AKAP19: variants seen among roughly 807,000 people sequenced by gnomAD.
AKAP19 encodes the protein A-kinase anchoring protein 19, also known as small A-kinase anchoring protein.
At chr2:190,007,688 C>T in the AKAP19 span, among the ~76,000 whole-genome samples, 17 of 152,250 alleles carry the variant, frequency 1.1e-4, no homozygotes, top group Non-Finnish European at 1.5e-4. Context: ...TGGCCAGGCG[C>T]GGTGGCTTAC....
the AKAP19 span, among the ~76,000 whole-genome samples, chr2:190,103,147 C>T: frequency 6.6e-6 from 1 of 152,062 alleles, no homozygotes; most frequent in Non-Finnish European, 1.5e-5. Flanking sequence ...ACATCCTTTA[C>T]TGAAAAAAAC....
At chr2:189,999,244 G>A in the AKAP19 span, among the ~76,000 whole-genome samples, 1 of 151,890 alleles carries the variant, frequency 6.6e-6, no homozygotes, top group East Asian at 1.9e-4. Context: ...TGTAAGCACT[G>A]CTTTAGCTGC....
chr2:190,030,211 T>C, the AKAP19 span, among the ~76,000 whole-genome samples: 2 of 152,244 alleles, frequency 1.3e-5, no homozygotes, highest in African/African-American at 2.4e-5. Context: ...TCCTGGTTTT[T>C]ATAGCTCTTC....
the AKAP19 span, among the ~76,000 whole-genome samples, chr2:189,909,050 A>G: frequency 6.6e-6 from 1 of 152,100 alleles, no homozygotes; most frequent in Non-Finnish European, 1.5e-5. Flanking sequence ...TGTTGGGTGC[A>G]TGTATATTTA....
the AKAP19 span, among the ~76,000 whole-genome samples, chr2:190,125,026 G>C: frequency 4.6e-5 from 7 of 152,022 alleles, 1 homozygote; most frequent in African/African-American, 1.7e-4. Context: ...AACACACATG[G>C]AGCTGTCATC....
chr2:189,912,175 G>A, the AKAP19 span, among the ~76,000 whole-genome samples: 1 of 151,560 alleles, frequency 6.6e-6, no homozygotes, highest in African/African-American at 2.4e-5. Context: ...GTTTTTCATA[G>A]AACCAATTCA....
chr2:190,034,856 C>CAAAAAAAAAA, the AKAP19 span, among the ~76,000 whole-genome samples: 7 of 68,634 alleles, frequency 1.0e-4, no homozygotes, highest in African/African-American at 3.8e-4. Flanking sequence ...CCTGTCTCAC[C>CAAAAAAAAAA]AAAAAAAAAA....
the AKAP19 span, among the ~76,000 whole-genome samples, chr2:190,080,543 A>G: frequency 6.6e-6 from 1 of 152,220 alleles, no homozygotes; most frequent in Non-Finnish European, 1.5e-5. Context: ...GTGCCTAGTA[A>G]AGGGTCAGGC....
chr2:189,949,375 A>G, the AKAP19 span, among the ~76,000 whole-genome samples: 1 of 152,176 alleles, frequency 6.6e-6, no homozygotes. Flanking sequence ...AAGATGGTGA[A>G]ACCTCATCTC....
At chr2:190,048,061 C>G in the AKAP19 span, among the ~76,000 whole-genome samples, 1 of 152,154 alleles carries the variant, frequency 6.6e-6, no homozygotes, top group South Asian at 2.1e-4. Flanking sequence ...TATTTCTGAC[C>G]AGACAGAAAC....
At chr2:190,004,832 T>C in the AKAP19 span, among the ~76,000 whole-genome samples, 16 of 152,290 alleles carry the variant, frequency 1.1e-4, no homozygotes, top group Non-Finnish European at 2.1e-4. Flanking sequence ...GGATGTTCAG[T>C]AGGTTCAAGG....
the AKAP19 span, among the ~76,000 whole-genome samples, chr2:190,139,788 T>G: frequency 6.6e-6 from 1 of 151,916 alleles, no homozygotes; most frequent in African/African-American, 2.4e-5. Context: ...ATATCATTCC[T>G]CCCCCGGCCC....
At chr2:190,163,519 A>G in the AKAP19 span, among the ~76,000 whole-genome samples, 1 of 151,900 alleles carries the variant, frequency 6.6e-6, no homozygotes, top group Non-Finnish European at 1.5e-5. Context: ...CCTGAAATTC[A>G]TAGTACTTCC....
the AKAP19 span, among the ~76,000 whole-genome samples, chr2:190,086,144 T>C: frequency 6.6e-6 from 1 of 152,216 alleles, no homozygotes; most frequent in Admixed American, 6.5e-5. Flanking sequence ...TATAAGCACA[T>C]TGCGGATGTT....
chr2:189,981,294 T>TG, the AKAP19 span, among the ~76,000 whole-genome samples: 1 of 148,438 alleles, frequency 6.7e-6, no homozygotes, highest in Non-Finnish European at 1.5e-5. Context: ...TTTTTTTTGC[T>TG]GTTGTTGGTT....
the AKAP19 span, among the ~76,000 whole-genome samples, chr2:190,031,894 C>G: frequency 6.6e-6 from 1 of 152,128 alleles, no homozygotes; most frequent in African/African-American, 2.4e-5. Flanking sequence ...GAATGAAGTT[C>G]ATGTGATAGT....
chr2:189,954,881 C>T, the AKAP19 span, among the ~76,000 whole-genome samples: 1 of 152,138 alleles, frequency 6.6e-6, no homozygotes, highest in South Asian at 2.1e-4. Flanking sequence ...TATTTACATG[C>T]CCAATATCTT....
the AKAP19 span, among the ~76,000 whole-genome samples, chr2:190,107,056 G>A: frequency 1.3e-5 from 2 of 152,300 alleles, no homozygotes; most frequent in African/African-American, 4.8e-5. Flanking sequence ...GGTGTACTGA[G>A]GAGAAGGGCC....
At chr2:190,041,778 T>C in the AKAP19 span, among the ~76,000 whole-genome samples, 1 of 152,218 alleles carries the variant, frequency 6.6e-6, no homozygotes, top group Non-Finnish European at 1.5e-5. Flanking sequence ...ATTAATCATG[T>C]GGTTTTTGTC....
Sources: allele counts gnomAD v4.1 joint callset (sites outside exome capture counted in the v4.1 genomes callset), GRCh38; gene constraint gnomAD v4.1.1; transcripts MANE v1.5; gene names NCBI Gene and HGNC (gene_info 2026-07-23, HGNC 2026-07-21).